The following RBMS3 variants were observed in gnomAD, a reference collection of about 807,000 sequenced individuals.
The protein encoded by RBMS3 is RNA binding motif single stranded interacting protein 3, also known as RNA-binding motif, single-stranded-interacting protein 3.
A neutral mutation model predicts 66.8 loss-of-function variants in RBMS3; 27 were observed. That is an observed-to-expected ratio of 0.40 (90% CI 0.30 to 0.56). The LOEUF (loss-of-function observed/expected upper bound fraction) is 0.56, where lower values mean the gene tolerates loss of function less well. Among genes scored for constraint, RBMS3 ranks in the 20% least tolerant of loss-of-function variants. RBMS3 has a pLI of 0.40. For missense variants in RBMS3, 513 were observed against 549.5 expected (o/e 0.93, Z 0.66); for synonymous variants, 188 against 183.0 (o/e 1.03, Z -0.22).
intron 2 of RBMS3, among the ~76,000 whole-genome samples, chr3:29,455,077 A>G (rs974344559): frequency 6.6e-6 from 1 of 152,138 alleles, no homozygotes; most frequent in African/African-American, 2.4e-5. Flanking sequence ...ACACTCACTC[A>G]TACCTAAGAA....
At chr3:29,433,693 G>A (rs1255219543) in intron 1 of RBMS3, among the ~76,000 whole-genome samples, 1 of 152,154 alleles carries the variant, frequency 6.6e-6, no homozygotes, top group Non-Finnish European at 1.5e-5. Context: ...GACAGTCAGT[G>A]TTAGTTGAGA....
chr3:29,659,580 A>G (rs1271934436), intron 4 of RBMS3, among the ~76,000 whole-genome samples: 3 of 152,220 alleles, frequency 2.0e-5, no homozygotes, highest in Non-Finnish European at 4.4e-5. Context: ...ATGGTTGAAT[A>G]CTATTACAGT....
chr3:29,801,058 T>C (rs752655764), intron 6 of RBMS3, among the ~76,000 whole-genome samples: 5 of 151,692 alleles, frequency 3.3e-5, no homozygotes, highest in Non-Finnish European at 7.4e-5. Context: ...TGGGTCATAA[T>C]AGTTGTACTA....
intron 1 of RBMS3, among the ~76,000 whole-genome samples, chr3:29,354,406 A>G (rs1205355381): frequency 6.6e-6 from 1 of 152,172 alleles, no homozygotes; most frequent in Non-Finnish European, 1.5e-5. Context: ...TCTCATGGTC[A>G]CATACTTTCT....
intron 12 of RBMS3, among the ~76,000 whole-genome samples, chr3:29,949,644 T>C (rs1695547336): frequency 6.6e-6 from 1 of 151,786 alleles, no homozygotes. Context: ...ATGGTAGACA[T>C]TGAGATGGAG....
intron 12 of RBMS3, among the ~76,000 whole-genome samples, chr3:29,980,368 C>G (rs915972268): frequency 2.6e-5 from 4 of 152,168 alleles, no homozygotes; most frequent in African/African-American, 9.7e-5. Context: ...AAAATTTGCT[C>G]GCATTCTGTA....
intron 12 of RBMS3, among the ~76,000 whole-genome samples, chr3:29,967,629 ACT>A (rs1287846390): frequency 6.6e-6 from 1 of 152,160 alleles, no homozygotes; most frequent in Non-Finnish European, 1.5e-5. Flanking sequence ...TTTTTTAATT[ACT>A]GTTTCAATCT....
intron 4 of RBMS3, among the ~76,000 whole-genome samples, chr3:29,711,838 A>C (rs2053183712): frequency 6.6e-6 from 1 of 152,208 alleles, no homozygotes; most frequent in South Asian, 2.1e-4. Flanking sequence ...ACTGAAGAAA[A>C]GGAAAATAAT....
intron 3 of RBMS3, among the ~76,000 whole-genome samples, chr3:29,490,136 T>A (rs1422426699): frequency 2.6e-5 from 4 of 151,408 alleles, no homozygotes; most frequent in Admixed American, 2.6e-4. Flanking sequence ...CTGGATATTT[T>A]AAATTTAAAA....
intron 12 of RBMS3, among the ~76,000 whole-genome samples, chr3:29,964,933 A>G (rs1039302742): frequency 6.6e-6 from 1 of 152,020 alleles, no homozygotes; most frequent in South Asian, 2.1e-4. Flanking sequence ...TTTTGTCCTC[A>G]TAGCTTAGCT....
At chr3:29,385,769 C>G (rs985114085) in intron 1 of RBMS3, among the ~76,000 whole-genome samples, 1 of 152,172 alleles carries the variant, frequency 6.6e-6, no homozygotes, top group African/African-American at 2.4e-5. Flanking sequence ...AAGGACATAT[C>G]CTAGACTCTC....
At chr3:29,914,372 A>G (rs1208654397) in intron 10 of RBMS3, among the ~76,000 whole-genome samples, 1 of 151,892 alleles carries the variant, frequency 6.6e-6, no homozygotes. Context: ...GTACCTCCAA[A>G]TACAGGTTTG....
intron 4 of RBMS3, among the ~76,000 whole-genome samples, chr3:29,599,849 C>A (rs186918831): frequency 1.1e-3 from 172 of 152,136 alleles, no homozygotes; most frequent in Non-Finnish European, 2.1e-3. Flanking sequence ...AAAGACTCTC[C>A]ATTTGAAGTG....
At chr3:29,295,793 A>G (rs1308884687) in intron 1 of RBMS3, among the ~76,000 whole-genome samples, 2 of 151,768 alleles carry the variant, frequency 1.3e-5, no homozygotes, top group Non-Finnish European at 1.5e-5. Flanking sequence ...TCATTTTGCC[A>G]ATATGAATAA....
chr3:29,905,400 G>A (rs2060352610), intron 10 of RBMS3, among the ~76,000 whole-genome samples: 1 of 151,860 alleles, frequency 6.6e-6, no homozygotes, highest in Non-Finnish European at 1.5e-5. Context: ...TTATTTTATA[G>A]CATGAGATGA....
intron 1 of RBMS3, chr3:29,390,975 C>T (rs2039266542): frequency 3.7e-6 from 1 of 272,326 alleles, no homozygotes; most frequent in African/African-American, 2.1e-5. Flanking sequence ...CAGTCTTAGA[C>T]AAAAGCCACG....
intron 2 of RBMS3, among the ~76,000 whole-genome samples, chr3:29,483,287 C>G (rs1285336629): frequency 1.5e-5 from 2 of 133,270 alleles, no homozygotes; most frequent in Non-Finnish European, 3.1e-5. Context: ...CCAGCCTGGG[C>G]GACAGAGCAA....
intron 3 of RBMS3, among the ~76,000 whole-genome samples, chr3:29,490,164 TTTAATTTAAAATTAAAA>T (rs1248601978): frequency 6.9e-6 from 1 of 145,540 alleles, no homozygotes; most frequent in African/African-American, 2.7e-5. Flanking sequence ...TAAAATTAAA[TTTAATTTAAAATTAAAA>T]TTTAAAATTT....
At chr3:29,660,774 ATGCAG>A (rs1433461993) in intron 4 of RBMS3, among the ~76,000 whole-genome samples, 4 of 152,152 alleles carry the variant, frequency 2.6e-5, no homozygotes, top group Non-Finnish European at 5.9e-5. Flanking sequence ...TTCCCTATAC[ATGCAG>A]TTTCTTTCAA....
Sources: gnomAD v4.1 joint callset for allele counts (sites outside exome capture counted in the v4.1 genomes callset) on GRCh38, gnomAD v4.1.1 for gene constraint, MANE v1.5 for transcripts, NCBI Gene and HGNC (gene_info 2026-07-23, HGNC 2026-07-21) for gene names.